Variants in SLC38A6 observed in about 807,000 individuals in gnomAD.
SLC38A6 encodes the protein solute carrier family 38 member 6.
In SLC38A6, 73 loss-of-function variants were observed where a neutral mutation model predicts 65.0. The ratio of observed to expected loss-of-function variants is 1.12; its 90% CI spans 0.93 to 1.37. The LOEUF (loss-of-function observed/expected upper bound fraction) is 1.37. Ranked by LOEUF, SLC38A6 falls within the 40% of genes most tolerant of loss-of-function variation. SLC38A6 has a pLI of 0.00. For missense variants in SLC38A6, 561 were observed against 531.1 expected, an observed-to-expected ratio of 1.06 and a Z score of -0.55; for synonymous variants, 183 against 178.8, an observed-to-expected ratio of 1.02 and a Z score of -0.19.
At chr14:61,034,276 G>A (rs2041194710) in intron 6 of SLC38A6, 10 of 152,272 alleles carry the variant, frequency 6.6e-5, no homozygotes, top group Admixed American at 5.9e-4. Flanking sequence ...TGGTCCTGGG[G>A]ATTAAATGCT....
At chr14:61,051,661 C>A in intron 13 of SLC38A6, 126 bp from the exon 14 acceptor site, 1 of 914,622 alleles carries the variant, frequency 1.1e-6, no homozygotes, top group South Asian at 1.5e-5. Flanking sequence ...ATAGTTTATG[C>A]TGTATTTTTG....
chr14:61,037,654 T>C lies in SLC38A6; in HGVS notation c.595T>C (p.Phe199Leu). The part of the protein sequence containing the change: ...GFLGYTSSLS[F>L]FFMMFFALVV... ...TCTTGGCTACACAAGTAGTTTATCA[T>C]TTTTCTTTATGATGTTCTTTGCTCT... Residue 199 changes from phenylalanine (F) to leucine (L), a missense_variant, in exon 8 of 16, where the codon TTT (phenylalanine) becomes CTT (leucine). Physicochemically the swap from Phe to Leu is conservative, Grantham distance 22. Transcript: ENST00000267488. 6.3e-7 allele frequency: 1 copy of C among 1,593,656 alleles called. No individual in the cohort carries two copies. Among genetic ancestry groups the C allele is most frequent in the South Asian group, 1.1e-5 (1 of 88,606 alleles).
chr14:61,022,765 G>A (rs528556745), intron 5 of SLC38A6, among the ~76,000 whole-genome samples: 103 of 151,924 alleles, frequency 6.8e-4, no homozygotes, highest in African/African-American at 2.4e-3. Flanking sequence ...TTCTATTTAG[G>A]TCAAGCACTC....
chr14:61,019,479 A>G (rs1042151124), intron 4 of SLC38A6, 62 bp from the exon 5 acceptor site: 4 of 1,558,800 alleles, frequency 2.6e-6, no homozygotes, highest in Non-Finnish European at 3.5e-6. Flanking sequence ...GATTTTAATA[A>G]AATACTGATC....
intron 3 of SLC38A6, among the ~76,000 whole-genome samples, chr14:61,003,102 TAAAA>T (rs2038821908): frequency 6.6e-6 from 1 of 152,010 alleles, no homozygotes; most frequent in African/African-American, 2.4e-5. Flanking sequence ...ACACCTTAAA[TAAAA>T]CCAACCAGAT....
chr14:61,037,649 TATCA>T lies in SLC38A6; in HGVS notation c.591_594del (p.Leu197PhefsTer5). The T allele has an allele frequency of 6.3e-7, 1 of 1,594,862 alleles. No individual in the cohort carries two copies. On this transcript the variant is annotated frameshift_variant, in exon 8 of 16. Coordinates refer to ENST00000267488, the MANE Select transcript of SLC38A6 (RefSeq NM_153811.3). LOFTEE classifies it high-confidence loss of function. ...GGCTTTCTTGGCTACACAAGTAGTT[TATCA>T]TTTTTCTTTATGATGTTCTTTGCTC...
Position 60,997,637 on chromosome 14 carries a change from A to G in SLC38A6, c.310+12834A>G, listed in dbSNP as rs183964952. Among the ~76,000 whole-genome samples the G allele has an allele frequency of 3.3e-5, 5 of 152,354 alleles. No homozygotes were observed. In the East Asian group the frequency reaches 7.7e-4, roughly 23 times the overall value. ...TTAGCAGTCAGGCCGGGCTGTTAAA[A>G]AAGTCAGAATAAAATAGGGATTGAA... On this transcript the variant is annotated intron_variant, in intron 3 of 15. Coordinates refer to ENST00000267488, the MANE Select transcript of SLC38A6 (RefSeq NM_153811.3).
intron 2 of SLC38A6, 51 bp downstream of exon 2, chr14:60,982,689 A>T (rs761961224): frequency 6.4e-7 from 1 of 1,558,452 alleles, no homozygotes; most frequent in South Asian, 1.2e-5. Flanking sequence ...TTGATAATAT[A>T]CGGAGAAGTA....
At chr14:60,994,143 A>G (rs984815619) in intron 3 of SLC38A6, among the ~76,000 whole-genome samples, 1 of 152,266 alleles carries the variant, frequency 6.6e-6, no homozygotes, top group Non-Finnish European at 1.5e-5. Flanking sequence ...TAAAGATGTT[A>G]ATAACAGCCT....
intron 3 of SLC38A6, among the ~76,000 whole-genome samples, chr14:60,997,787 T>C (rs2038399765): frequency 6.6e-6 from 1 of 152,206 alleles, no homozygotes; most frequent in South Asian, 2.1e-4. Context: ...AGTAGATGTC[T>C]GGTGTATCTC....
At chr14:60,993,027 T>G (rs1003462659) in intron 3 of SLC38A6, among the ~76,000 whole-genome samples, 3 of 152,128 alleles carry the variant, frequency 2.0e-5, no homozygotes, top group East Asian at 1.9e-4. Context: ...TTGTATTTTT[T>G]AGTAGAGACG....
chr14:61,013,066 T>C (rs1218528671), intron 3 of SLC38A6, among the ~76,000 whole-genome samples: 1 of 152,218 alleles, frequency 6.6e-6, no homozygotes, highest in East Asian at 1.9e-4. Context: ...ATCTGGGTGC[T>C]CCTGTATTGG....
intron 3 of SLC38A6, among the ~76,000 whole-genome samples, chr14:60,986,651 A>G (rs1288006914): frequency 6.6e-6 from 1 of 152,244 alleles, no homozygotes; most frequent in African/African-American, 2.4e-5. Flanking sequence ...ATATATTTGT[A>G]AATCCTGCTG....
At chr14:61,040,629 G>A (rs955902184) in intron 8 of SLC38A6, among the ~76,000 whole-genome samples, 3 of 151,990 alleles carry the variant, frequency 2.0e-5, no homozygotes, top group African/African-American at 2.4e-5. Context: ...GTGAGCCACC[G>A]CGCCTGGCCA....
intron 5 of SLC38A6, among the ~76,000 whole-genome samples, chr14:61,025,703 A>G (rs2040575669): frequency 6.6e-6 from 1 of 152,188 alleles, no homozygotes; most frequent in Non-Finnish European, 1.5e-5. Flanking sequence ...AGACAAAGAT[A>G]TACATTTTTT....
At chr14:61,007,322 A>ATAAAG (rs1348903965) in intron 3 of SLC38A6, among the ~76,000 whole-genome samples, 3 of 150,184 alleles carry the variant, frequency 2.0e-5, no homozygotes, top group Non-Finnish European at 4.4e-5. Flanking sequence ...TTTAATAATA[A>ATAAAG]TAAAATAAAA....
At chr14:61,044,386 G>C (rs527936777) in intron 10 of SLC38A6, among the ~76,000 whole-genome samples, 1 of 152,114 alleles carries the variant, frequency 6.6e-6, no homozygotes, top group Non-Finnish European at 1.5e-5. Context: ...TCCAGGTGCC[G>C]TAAAGATCTA....
At chr14:61,046,337 T>C (rs2042147355) in intron 12 of SLC38A6, among the ~76,000 whole-genome samples, 170 bp downstream of exon 12, 1 of 152,232 alleles carries the variant, frequency 6.6e-6, no homozygotes, top group African/African-American at 2.4e-5. Flanking sequence ...GGATTATCTT[T>C]CTTTTAGAAA....
At chr14:61,040,644 A>C (rs1036701878) in intron 8 of SLC38A6, among the ~76,000 whole-genome samples, 1 of 151,706 alleles carries the variant, frequency 6.6e-6, no homozygotes, top group African/African-American at 2.4e-5. Context: ...TGGCCAGATA[A>C]ATTTTTTTTT....
Sources: gnomAD v4.1 joint callset for allele counts (sites outside exome capture counted in the v4.1 genomes callset) on GRCh38, gnomAD v4.1.1 for gene constraint, MANE v1.5 for transcripts, NCBI Gene and HGNC (gene_info 2026-07-23, HGNC 2026-07-21) for gene names.